MTUS1: variants seen among roughly 807,000 people sequenced by gnomAD.
The protein encoded by MTUS1 is microtubule-associated tumor suppressor 1.
MTUS1 carries 109 observed loss-of-function variants against 120.8 expected under a neutral mutation model. The ratio of observed to expected loss-of-function variants is 0.90; its 90% CI spans 0.77 to 1.06. The LOEUF is 1.06. Among genes scored for constraint, MTUS1 ranks in the 50% least tolerant of loss-of-function variants. The pLI is 0.00. For synonymous variants in MTUS1, 737 were observed against 550.5 expected (o/e 1.34, Z -4.74); for missense variants, 2,210 against 1,486.3 (o/e 1.49, Z -8.01).
At position 17,729,154 on chromosome 8, in the gene MTUS1, C is replaced by G. The variant is rs977831531; in HGVS notation, c.2288-5321G>C. The stretch of plus-strand genomic sequence containing the variant: ...CTTGGGTTCCTTAAATACAACTCAA[C>G]TACTTAGAGACAGTTACCTTTAGAG... On this transcript the variant is annotated intron_variant, in intron 3 of 14. Transcript: ENST00000693296. Among the ~76,000 whole-genome samples, 50 of 152,186 alleles carry G rather than the reference C, an allele frequency of 3.3e-4. 1 individual carries two copies. Among genetic ancestry groups the G allele is most frequent in the Non-Finnish European group, 1.2e-4 (8 of 68,042 alleles).
At chr8:17,737,697 G>A (rs931261762) in intron 3 of MTUS1, among the ~76,000 whole-genome samples, 1 of 152,100 alleles carries the variant, frequency 6.6e-6, no homozygotes, top group Non-Finnish European at 1.5e-5. Context: ...CTGTTGCCCA[G>A]GTGGGTCTCA....
rs1448035980 is a variant in MTUS1 at position 17,753,640 on chromosome 8, G to C, written c.2091+77C>G. On this transcript the variant is annotated intron_variant, in intron 2 of 14. Coordinates refer to ENST00000693296, the MANE Select transcript of MTUS1 (RefSeq NM_001363059.2). ...GGTTCTGCAATATTATTGACTAATA[G>C]ATAACTAAATGCTAACACATCTCAG... 6.2e-6 allele frequency: 6 copies of C among 972,994 alleles called. No individual in the cohort carries two copies. The East Asian group carries it at 1.0e-4, about 17-fold the overall frequency. 60.3% of individuals were successfully genotyped at this position (972,994 alleles called of 1,614,324 possible).
intron 8 of MTUS1, among the ~76,000 whole-genome samples, chr8:17,665,724 T>C (rs1810757350): frequency 6.6e-6 from 1 of 152,186 alleles, no homozygotes; most frequent in African/African-American, 2.4e-5. Context: ...ACTGGCTATT[T>C]TTCCCAGCCT....
At chr8:17,677,333 C>T (rs1813334699) in intron 7 of MTUS1, among the ~76,000 whole-genome samples, 1 of 151,372 alleles carries the variant, frequency 6.6e-6, no homozygotes, top group African/African-American at 2.5e-5. Flanking sequence ...ACAGGAAAAA[C>T]AAGACAGCTT....
intron 1 of MTUS1, among the ~76,000 whole-genome samples, chr8:17,765,947 CTAAT>C (rs1484014663): frequency 6.6e-6 from 1 of 152,224 alleles, no homozygotes; most frequent in East Asian, 1.9e-4. Context: ...ATCCTCTCCA[CTAAT>C]TATCATTTAA....
At chr8:17,689,287 G>A (rs958613300) in intron 6 of MTUS1, among the ~76,000 whole-genome samples, 2 of 152,114 alleles carry the variant, frequency 1.3e-5, no homozygotes, top group South Asian at 4.1e-4. Flanking sequence ...GAGGATTTAG[G>A]ATGCCTCACC....
chr8:17,757,061 C>T (rs1276297337), intron 1 of MTUS1, among the ~76,000 whole-genome samples: 1 of 152,150 alleles, frequency 6.6e-6, no homozygotes, highest in Non-Finnish European at 1.5e-5. Context: ...AAAATGAAAA[C>T]ATATGTCAAC....
At chr8:17,646,564 G>C (rs1044267249) in intron 14 of MTUS1, among the ~76,000 whole-genome samples, 18 of 152,098 alleles carry the variant, frequency 1.2e-4, no homozygotes, top group Admixed American at 9.2e-4. Flanking sequence ...CTCCAGCCTG[G>C]GCAGAAGAGT....
intron 8 of MTUS1, among the ~76,000 whole-genome samples, chr8:17,656,885 C>G (rs916058602): frequency 1.3e-5 from 2 of 150,448 alleles, no homozygotes; most frequent in African/African-American, 2.4e-5. Context: ...CGGTGAAACC[C>G]TGTCTCTACT....
chr8:17,723,863 C>T (rs555187621), intron 3 of MTUS1, 30 bp from the exon 4 acceptor site: 4 of 1,509,708 alleles, frequency 2.6e-6, no homozygotes, highest in Non-Finnish European at 3.5e-6. Context: ...AAAAAGTTTC[C>T]AGTGCTATTC....
At chr8:17,679,718 G>T (rs558234891) in intron 7 of MTUS1, among the ~76,000 whole-genome samples, 3 of 152,102 alleles carry the variant, frequency 2.0e-5, no homozygotes, top group South Asian at 2.1e-4. Context: ...GGCCAGACTG[G>T]TCTCAAACTC....
intron 1 of MTUS1, among the ~76,000 whole-genome samples, chr8:17,796,827 T>G (rs941334041): frequency 6.6e-6 from 1 of 152,244 alleles, no homozygotes; most frequent in Non-Finnish European, 1.5e-5. Flanking sequence ...TAGGCCGGAC[T>G]TTTAGGCCAG....
chr8:17,714,462 A>C (rs558481093), intron 5 of MTUS1, among the ~76,000 whole-genome samples: 4 of 152,342 alleles, frequency 2.6e-5, no homozygotes, highest in African/African-American at 9.6e-5. Context: ...GATATCCACA[A>C]GTAACCAGAA....
chr8:17,748,580 T>C (rs1316055698), intron 2 of MTUS1, among the ~76,000 whole-genome samples: 1 of 152,184 alleles, frequency 6.6e-6, no homozygotes, highest in Non-Finnish European at 1.5e-5. Flanking sequence ...CACTGTAGCA[T>C]GCCCTCTGGG....
chr8:17,695,829 G>C (rs549381014), intron 6 of MTUS1, among the ~76,000 whole-genome samples: 12 of 152,122 alleles, frequency 7.9e-5, no homozygotes, highest in African/African-American at 2.2e-4. Flanking sequence ...GACCTGCATA[G>C]ATTTACATGT....
intron 13 of MTUS1, 139 bp from the exon 14 acceptor site, chr8:17,647,218 TAACA>T (rs766906316): frequency 2.4e-5 from 15 of 626,216 alleles, no homozygotes; most frequent in Middle Eastern, 3.1e-4. Flanking sequence ...ATTTATACAC[TAACA>T]AACATACTGA....
chr8:17,758,150 G>A (rs1586211218), intron 1 of MTUS1: 2 of 152,316 alleles, frequency 1.3e-5, no homozygotes, highest in Non-Finnish European at 1.5e-5. Context: ...CGAATGAAGA[G>A]TAGGTCTCAT....
chr8:17,762,185 AG>A (rs1328124399), intron 1 of MTUS1, among the ~76,000 whole-genome samples: 2 of 152,188 alleles, frequency 1.3e-5, no homozygotes, highest in Non-Finnish European at 2.9e-5. Flanking sequence ...AGGCTGAGGC[AG>A]GAGAATCACT....
chr8:17,717,124 CT>C (rs1279967130), intron 4 of MTUS1, among the ~76,000 whole-genome samples: 17 of 152,172 alleles, frequency 1.1e-4, no homozygotes, highest in Admixed American at 1.1e-3. Flanking sequence ...TTATTTTCCC[CT>C]AATCCACACC....
Sources: allele counts gnomAD v4.1 joint callset (sites outside exome capture counted in the v4.1 genomes callset), GRCh38; gene constraint gnomAD v4.1.1; transcripts MANE v1.5; gene names NCBI Gene and HGNC (gene_info 2026-07-23, HGNC 2026-07-21).